The following GAS7 variants were observed in gnomAD, a reference collection of about 807,000 sequenced individuals.
GAS7 encodes the protein growth arrest-specific protein 7.
GAS7 carries 28 observed loss-of-function variants against 71.1 expected under a neutral mutation model. That is an observed-to-expected ratio of 0.39 (90% confidence interval 0.29 to 0.54). The LOEUF is 0.54. Ranked by LOEUF, GAS7 falls within the 20% of genes least tolerant of loss-of-function variation. The pLI is 0.62. For missense variants in GAS7, 436 were observed against 627.8 expected (o/e 0.69, Z 3.27); for synonymous variants, 258 against 245.8 (o/e 1.05, Z -0.46).
At chr17:10,118,704 C>CAAAAAAA (rs34461299) in intron 1 of GAS7, among the ~76,000 whole-genome samples, 2 of 70,110 alleles carry the variant, frequency 2.9e-5, no homozygotes, top group Non-Finnish European at 5.1e-5. Flanking sequence ...ACTCTGTCTC[C>CAAAAAAA]AAAAAAAAAA....
chr17:9,936,076 A>G (rs2068390280), intron 8 of GAS7, among the ~76,000 whole-genome samples: 1 of 152,206 alleles, frequency 6.6e-6, no homozygotes, highest in Non-Finnish European at 1.5e-5. Context: ...AATGGTGCAG[A>G]GACAACCGTA....
chr17:10,189,840 G>C (rs992509789), intron 1 of GAS7, among the ~76,000 whole-genome samples: 4 of 151,892 alleles, frequency 2.6e-5, no homozygotes, highest in Admixed American at 2.0e-4. Flanking sequence ...TTGGGAAGCT[G>C]AGGCATGAAA....
intron 4 of GAS7, among the ~76,000 whole-genome samples, chr17:9,967,948 A>G (rs750022017): frequency 6.6e-6 from 1 of 152,248 alleles, no homozygotes; most frequent in Non-Finnish European, 1.5e-5. Context: ...TCTTTAAAAT[A>G]GATGAGTAAC....
intron 10 of GAS7, among the ~76,000 whole-genome samples, chr17:9,925,858 C>T (rs888641242): frequency 5.3e-5 from 8 of 152,230 alleles, no homozygotes; most frequent in South Asian, 2.1e-4. Flanking sequence ...GTTTTTTTCC[C>T]GATGGAGCCT....
chr17:10,182,305 G>A (rs377683458), intron 1 of GAS7, among the ~76,000 whole-genome samples: 11 of 152,072 alleles, frequency 7.2e-5, no homozygotes, highest in Admixed American at 2.6e-4. Context: ...GATTACAGGC[G>A]CCCACCACCA....
Position 10,103,710 on chromosome 17 carries a change from C to T in GAS7, c.184-83813G>A, listed in dbSNP as rs143127067. On this transcript the variant is annotated intron_variant, in intron 1 of 13. Coordinates refer to ENST00000432992, the MANE Select transcript of GAS7 (RefSeq NM_201433.2). The surrounding 1 kb of genome is among the most constrained non-coding windows in gnomAD (Gnocchi z 5.5). Reference sequence around the variant, plus strand: ...GTGTGGTGGCACATGCCTGTAATCCCGGCTACTAGGGAGGCTGAGGCAGGA... The same window carrying T: ...GTGTGGTGGCACATGCCTGTAATCCTGGCTACTAGGGAGGCTGAGGCAGGA... Among the ~76,000 whole-genome samples the T allele has an allele frequency of 0.019, 2,853 of 152,034 alleles. 85 individuals are homozygous for T. Among genetic ancestry groups the T allele is most frequent in the African/African-American group, 0.063 (2,620 of 41,428 alleles).
chr17:10,065,417 T>C (rs2073271689), intron 1 of GAS7, among the ~76,000 whole-genome samples: 1 of 152,220 alleles, frequency 6.6e-6, no homozygotes, highest in African/African-American at 2.4e-5. Flanking sequence ...AAGGTATTGA[T>C]AGGGCCATAC....
At chr17:10,144,351 T>C (rs1338724091) in intron 1 of GAS7, among the ~76,000 whole-genome samples, 1 of 152,144 alleles carries the variant, frequency 6.6e-6, no homozygotes, top group African/African-American at 2.4e-5. Flanking sequence ...CCCGTGATAT[T>C]ATCCCAAAGT....
At chr17:9,940,477 TAC>T (rs1332103450) in intron 7 of GAS7, among the ~76,000 whole-genome samples, 1 of 152,204 alleles carries the variant, frequency 6.6e-6, no homozygotes, top group African/African-American at 2.4e-5. Context: ...AGCTGTCGTT[TAC>T]ACAGTTCCTA....
rs781443157 is a variant in GAS7, at chr17:9,959,300, T to G, written c.472-45A>C. ...ACATCGTCAAAGCTGTTCTCCATAT[T>G]GGACATTTTTTCCCCCCATTCAGGT... On this transcript the variant is annotated intron_variant, in intron 4 of 13. Transcript: ENST00000432992. This position sits in a 1 kb window ranked among gnomAD's most constrained non-coding sequence, Gnocchi z 5.0. The G allele has an allele frequency of 6.2e-7, 1 of 1,613,700 alleles. No homozygotes were observed. Among genetic ancestry groups the G allele is most frequent in the Non-Finnish European group, 8.5e-7 (1 of 1,179,800 alleles).
chr17:9,943,014 A>G (rs938588749), intron 7 of GAS7, 107 bp downstream of exon 7: 4 of 687,628 alleles, frequency 5.8e-6, no homozygotes, highest in Non-Finnish European at 1.0e-5. Flanking sequence ...AACCAGCCCA[A>G]TGCTGAGTGT....
At chr17:10,076,192 A>G in intron 1 of GAS7, among the ~76,000 whole-genome samples, 1 of 71,232 alleles carries the variant, frequency 1.4e-5, no homozygotes, top group African/African-American at 5.9e-5. Flanking sequence ...GGAAGTGGAA[A>G]GGGAGAGGGA....
At chr17:9,941,576 C>T (rs1264291190) in intron 7 of GAS7, among the ~76,000 whole-genome samples, 1 of 152,228 alleles carries the variant, frequency 6.6e-6, no homozygotes, top group Non-Finnish European at 1.5e-5. Context: ...CCTATGAGAT[C>T]CCAAGGTGGA....
intron 1 of GAS7, among the ~76,000 whole-genome samples, chr17:10,051,597 A>G (rs1325352284): frequency 6.6e-6 from 1 of 152,166 alleles, no homozygotes; most frequent in Non-Finnish European, 1.5e-5. Context: ...CGGAGAACAC[A>G]CGCAAGTCCA....
chr17:10,173,386 A>G (rs1344160429), intron 1 of GAS7, among the ~76,000 whole-genome samples: 2 of 152,040 alleles, frequency 1.3e-5, no homozygotes, highest in East Asian at 1.9e-4. Context: ...AGAGGGAGAG[A>G]AAAAAAATGA....
intron 1 of GAS7, among the ~76,000 whole-genome samples, chr17:10,081,552 A>G (rs1326694081): frequency 1.3e-5 from 2 of 152,250 alleles, no homozygotes; most frequent in Non-Finnish European, 2.9e-5. Context: ...GACAAAATAC[A>G]TCATTAGAAA....
intron 4 of GAS7, among the ~76,000 whole-genome samples, chr17:9,961,586 C>G (rs1282079428): frequency 6.6e-6 from 1 of 152,190 alleles, no homozygotes; most frequent in East Asian, 1.9e-4. Context: ...CCTATGGATG[C>G]TGATGATGTT....
intron 1 of GAS7, among the ~76,000 whole-genome samples, chr17:10,161,944 G>A (rs951389145): frequency 6.6e-6 from 1 of 151,780 alleles, no homozygotes; most frequent in East Asian, 1.9e-4. Context: ...GCGGGCGCCT[G>A]TATTTCCAGC....
intron 1 of GAS7, among the ~76,000 whole-genome samples, chr17:10,113,295 A>C (rs1281788120): frequency 1.3e-5 from 2 of 152,170 alleles, no homozygotes; most frequent in Non-Finnish European, 2.9e-5. Flanking sequence ...TCAAAACTAC[A>C]AACACATATA....
Sources: gnomAD v4.1 joint callset for allele counts (sites outside exome capture counted in the v4.1 genomes callset) on GRCh38, gnomAD v4.1.1 for gene constraint, Gnocchi (gnomAD v3.1) non-coding constraint, MANE v1.5 for transcripts, NCBI Gene and HGNC (gene_info 2026-07-23, HGNC 2026-07-21) for gene names.